Variants in PLK4 observed in about 807,000 individuals in gnomAD.
The protein encoded by PLK4 is serine/threonine-protein kinase PLK4.
A neutral mutation model predicts 103.0 loss-of-function variants in PLK4; 51 were observed. The observed-to-expected ratio is 0.50, with a 90% CI of 0.40 to 0.63. The LOEUF is 0.63. PLK4 is among the 20% of genes least tolerant of loss of function. The probability of loss-of-function intolerance (pLI) is 0.00; values close to 1 mark genes in which losing one functional copy is unlikely to be tolerated. For missense variants in PLK4, 1,054 were observed against 1,151.0 expected, an observed-to-expected ratio of 0.92 and a Z score of 1.22; for synonymous variants, 389 against 376.8, an observed-to-expected ratio of 1.03 and a Z score of -0.38.
chr4:127,886,591 G>T lies in PLK4; in HGVS notation c.1221G>T (p.Val407=). The part of the protein sequence containing the change: ...ERCHSAEMLS[V]SKRSGGGENE... ...GTCACTCAGCAGAAATGCTTTCAGT[G>T]TCCAAAAGATCAGGAGGAGGTGAAA... is the stretch of plus-strand genomic sequence containing the variant. Residue 407 remains valine, a synonymous_variant, in exon 5 of 16, where the codon GTG becomes GTT. Coordinates refer to ENST00000270861, the MANE Select transcript of PLK4 (RefSeq NM_014264.5). 1.2e-6 allele frequency: 2 copies of T among 1,614,090 alleles called. No homozygotes were observed. The highest frequency in any genetic ancestry group is 1.7e-6 in the Non-Finnish European group (2 of 1,179,970).
chr4:127,897,119 A>T (rs750776799), intron 15 of PLK4, among the ~76,000 whole-genome samples: 9 of 152,180 alleles, frequency 5.9e-5, no homozygotes, highest in Non-Finnish European at 4.4e-5. Flanking sequence ...GGTATAAATA[A>T]TCCACTCTAA....
rs189127360 is a variant in PLK4, at chr4:127,885,518, A to C, written c.338-190A>C. Reference sequence around the variant, plus strand: ...AAAAAAAGGTTAATATGATCTCTTTAGAGGGGTGTGTTGGTACCACTCTGA... The same window carrying C: ...AAAAAAAGGTTAATATGATCTCTTTCGAGGGGTGTGTTGGTACCACTCTGA... On this transcript the variant is annotated intron_variant, in intron 4 of 15. Transcript: ENST00000270861. Among the ~76,000 whole-genome samples the C allele has an allele frequency of 9.4e-5, 14 of 148,756 alleles. No homozygotes were observed. In the East Asian group the frequency reaches 2.6e-3, roughly 28 times the overall value.
At chr4:127,884,765 C>T (rs1250988558) in intron 4 of PLK4, among the ~76,000 whole-genome samples, 3 of 151,612 alleles carry the variant, frequency 2.0e-5, no homozygotes, top group Non-Finnish European at 2.9e-5. Context: ...GGTGAAACCC[C>T]GTCTCTACTA....
At chr4:127,891,902 C>T (rs1735373940) in intron 9 of PLK4, 1 of 286,040 alleles carries the variant, frequency 3.5e-6, no homozygotes, top group South Asian at 1.5e-4. Flanking sequence ...TAAAAACTAA[C>T]TCTAGAACAT....
intron 5 of PLK4, 146 bp from the exon 6 acceptor site, chr4:127,887,250 A>G (rs1560694727): frequency 6.9e-6 from 4 of 581,174 alleles, no homozygotes; most frequent in Non-Finnish European, 1.2e-5. Context: ...TAAAGATAGC[A>G]TAGTTATGCC....
At position 127,896,822 on chromosome 4, in the gene PLK4, G is replaced by T. The variant is rs1735583906; in HGVS notation, c.2725G>T (p.Val909Phe). The change falls in exon 15 of 16, where the codon GTT (valine) becomes TTT (phenylalanine). Residue 909 changes from valine to phenylalanine, a missense_variant. Val to Phe is a conservative substitution (Grantham distance 50, BLOSUM62 -1). This residue lies in a region of PLK4 where 167 missense variants were observed against 200.7 expected (regional missense o/e 0.83). Coordinates refer to ENST00000270861, the MANE Select transcript of PLK4 (RefSeq NM_014264.5). ...ATQLTSGAVW[V>F]QFNDGSQLVV... The stretch of plus-strand genomic sequence containing the variant: ...CTAGTTAACTAGTGGAGCTGTGTGG[G>T]TTCAGTTTAATGATGGGTCCCAGTT... 1.2e-6 allele frequency: 2 copies of T among 1,610,350 alleles called. No individual in the cohort carries two copies.
intron 4 of PLK4, 149 bp downstream of exon 4, chr4:127,883,702 C>A: frequency 4.2e-6 from 2 of 481,578 alleles, no homozygotes; most frequent in South Asian, 8.7e-5. Flanking sequence ...TTTCCTACAT[C>A]CCAAGCTGCT....
chr4:127,881,080 G>C lies in PLK4; in HGVS notation c.-55G>C. On this transcript the variant is annotated 5_prime_UTR_variant, in exon 1 of 16. Transcript: ENST00000270861. ...GGCTGGCTGCTTGGAGCGCTGCCTC[G>C]AAGGGACTGCGTGAAGGAAGCTAAT... 1 of 1,605,514 alleles carries C rather than the reference G, an allele frequency of 6.2e-7. No individual in the cohort carries two copies. Among genetic ancestry groups the C allele is most frequent in the South Asian group, 1.1e-5 (1 of 90,870 alleles).
rs1735506099 is a variant in PLK4 at position 127,894,953 on chromosome 4, A to G, written c.2563A>G (p.Met855Val). 1.3e-6 allele frequency: 2 copies of G among 1,576,322 alleles called. No individual in the cohort carries two copies. Among genetic ancestry groups the G allele is most frequent in the African/African-American group, 1.4e-5 (1 of 73,294 alleles). The change falls in exon 14 of 16, where the codon ATG (methionine) becomes GTG (valine). Residue 855 changes from methionine to valine, a missense_variant and splice_region_variant. Met to Val is a conservative substitution (Grantham distance 21). Transcript: ENST00000270861. ...PTQAPILNPS[M>V]VTNEGLGLTT... ...TCTTCCTGTCCTTTATTCTTTGTAG[A>G]TGGTTACAAATGAAGGACTTGGTCT... is the stretch of plus-strand genomic sequence containing the variant.
Position 127,890,536 on chromosome 4 carries a change from G to C in PLK4, c.1830+300G>C, listed in dbSNP as rs367800801. Among the ~76,000 whole-genome samples, 10 of 152,060 alleles carry C rather than the reference G, an allele frequency of 6.6e-5. No homozygotes were observed. In the East Asian group the frequency reaches 1.9e-3, roughly 29 times the overall value. ...CTATATGCTGGTTAAAGATTATTTTGTTCACAATTCCAATCAGTGAGCTAA... is the reference window on the plus strand; with the variant it reads ...CTATATGCTGGTTAAAGATTATTTTCTTCACAATTCCAATCAGTGAGCTAA... On this transcript the variant is annotated intron_variant, in intron 7 of 15. Transcript: ENST00000270861.
At chr4:127,897,714 C>G (rs180762020) in intron 15 of PLK4, among the ~76,000 whole-genome samples, 1 of 150,944 alleles carries the variant, frequency 6.6e-6, no homozygotes, top group East Asian at 1.9e-4. Flanking sequence ...CCCTTGTTCC[C>G]AGGATACATG....
Position 127,895,090 on chromosome 4 carries a change from A to AC in PLK4, c.2701dup (p.Gln901ProfsTer4). 1.2e-6 allele frequency: 2 copies of AC among 1,608,746 alleles called. No homozygotes were observed. Among genetic ancestry groups the AC allele is most frequent in the Non-Finnish European group, 1.7e-6 (2 of 1,177,658 alleles). On this transcript the variant is annotated frameshift_variant, in exon 14 of 16. Transcript: ENST00000270861. LOFTEE classifies it high-confidence loss of function. Reference sequence around the variant, plus strand: ...TTGTGAAAAATGTTGGTTGGGCTACACAGGTGAGAAGTTTCTAGTACAGTG... The same window carrying AC: ...TTGTGAAAAATGTTGGTTGGGCTACACCAGGTGAGAAGTTTCTAGTACAGTG...
intron 14 of PLK4, among the ~76,000 whole-genome samples, chr4:127,895,700 C>T (rs1205872633): frequency 2.0e-5 from 3 of 151,756 alleles, no homozygotes; most frequent in South Asian, 2.1e-4. Context: ...AGATTACAGG[C>T]GTGAGCCACT....
At position 127,885,845 on chromosome 4, in the gene PLK4, A is replaced by G; in HGVS notation, c.475A>G (p.Thr159Ala). 6.2e-7 allele frequency: 1 copy of G among 1,614,094 alleles called. No homozygotes were observed. Among genetic ancestry groups the G allele is most frequent in the Non-Finnish European group, 8.5e-7 (1 of 1,179,998 alleles). Residue 159 changes from threonine (T) to alanine (A), a missense_variant, in exon 5 of 16, where the codon ACT (threonine) becomes GCT (alanine). By Grantham distance (58) the Thr-to-Ala change is moderately conservative. Around this residue, in one of 4 missense-constraint regions of PLK4, gnomAD observed 199 missense variants for 270.1 expected, o/e 0.74. Coordinates refer to ENST00000270861, the MANE Select transcript of PLK4 (RefSeq NM_014264.5). ...NIKIADFGLA[T>A]QLKMPHEKHY... ...CAAGATTGCTGATTTTGGGCTGGCA[A>G]CTCAACTGAAAATGCCACATGAAAA...
chr4:127,886,914 A>G (rs1735159675), intron 5 of PLK4, among the ~76,000 whole-genome samples, 186 bp downstream of exon 5: 1 of 152,006 alleles, frequency 6.6e-6, no homozygotes, highest in South Asian at 2.1e-4. Flanking sequence ...GTGTTTATAA[A>G]ATTGTTTAAT....
intron 6 of PLK4, 118 bp downstream of exon 6, chr4:127,887,614 A>G (rs1044537203): frequency 1.4e-5 from 9 of 663,888 alleles, no homozygotes; most frequent in Admixed American, 5.2e-5. Flanking sequence ...GCAGTAGCTC[A>G]TGCCTGTAAT....
At position 127,892,571 on chromosome 4, in the gene PLK4, G is replaced by A. The variant is rs547022627; in HGVS notation, c.2188+57G>A. On this transcript the variant is annotated intron_variant, in intron 10 of 15. Transcript: ENST00000270861. ...CTTTAGTTTGTAATTTAGTAGTTAC[G>A]TATATGTGGGTTTTTAAAATTCAAC... The A allele has an allele frequency of 7.1e-5, 96 of 1,354,036 alleles. No homozygotes were observed. The Admixed American group carries it at 1.6e-3, about 22-fold the overall frequency. 83.9% of individuals were successfully genotyped at this position (1,354,036 alleles called of 1,614,324 possible).
At chr4:127,885,253 G>T (rs1735074506) in intron 4 of PLK4, among the ~76,000 whole-genome samples, 1 of 151,942 alleles carries the variant, frequency 6.6e-6, no homozygotes, top group Admixed American at 6.6e-5. Context: ...GCCGAGGTGG[G>T]TGGATCACGA....
At chr4:127,888,903 A>C (rs1735246297) in intron 6 of PLK4, among the ~76,000 whole-genome samples, 1 of 152,170 alleles carries the variant, frequency 6.6e-6, no homozygotes, top group Non-Finnish European at 1.5e-5. Flanking sequence ...TCAGAAGCCC[A>C]AAAGGAAATT....
Sources: allele counts gnomAD v4.1 joint callset (sites outside exome capture counted in the v4.1 genomes callset), GRCh38; gene constraint gnomAD v4.1.1; regional missense constraint gnomAD v4.1.1; transcripts MANE v1.5; gene names NCBI Gene and HGNC (gene_info 2026-07-23, HGNC 2026-07-21).